The following ARHGEF16 variants were observed in gnomAD, a reference collection of about 807,000 sequenced individuals.
ARHGEF16 encodes Rho guanine nucleotide exchange factor 16.
A neutral mutation model predicts 74.1 loss-of-function variants in ARHGEF16; 59 were observed. The observed-to-expected ratio is 0.80, with a 90% confidence interval of 0.65 to 0.99. The LOEUF (loss-of-function observed/expected upper bound fraction) is 0.99, where lower values mean the gene tolerates loss of function less well. Ranked by LOEUF, ARHGEF16 falls within the 50% of genes least tolerant of loss-of-function variation. The pLI is 0.00. For missense variants in ARHGEF16, 948 were observed against 986.6 expected, an observed-to-expected ratio of 0.96 and a Z score of 0.52; for synonymous variants, 415 against 412.6, an observed-to-expected ratio of 1.01 and a Z score of -0.07.
At chr1:3,476,888 G>A (rs1251772483) in intron 10 of ARHGEF16, among the ~76,000 whole-genome samples, 2 of 152,098 alleles carry the variant, frequency 1.3e-5, no homozygotes, top group Non-Finnish European at 2.9e-5. Context: ...CGGTGACTTC[G>A]CGCCGCTGTC....
chr1:3,472,723 GCAC>G (rs1470487548), intron 6 of ARHGEF16: 1 of 191,184 alleles, frequency 5.2e-6, no homozygotes, highest in Non-Finnish European at 1.1e-5. Flanking sequence ...AGGGCGAAGG[GCAC>G]CAACTGGACA....
chr1:3,468,600 C>T, intron 4 of ARHGEF16: 2 of 484,688 alleles, frequency 4.1e-6, no homozygotes, highest in South Asian at 4.3e-5. Context: ...CCCCCGCCCT[C>T]TGGCCTCTCC....
rs547676458 is a variant in ARHGEF16, at chr1:3,458,372, C to T, written c.-20+3561C>T. ...CTGCTGCAGGAAATCTGACCTCTCT[C>T]TGTGGCACTGCAGCCGGGACAGCAT... On this transcript the variant is annotated intron_variant, in intron 1 of 14. Coordinates refer to ENST00000378378, the MANE Select transcript of ARHGEF16 (RefSeq NM_014448.4). Among the ~76,000 whole-genome samples, 20 of 152,374 alleles carry T rather than the reference C, an allele frequency of 1.3e-4. 1 individual carries two copies. In the South Asian group the frequency reaches 4.1e-3, roughly 32 times the overall value.
intron 6 of ARHGEF16, 152 bp from the exon 7 acceptor site, chr1:3,472,926 A>G: frequency 2.6e-6 from 1 of 390,464 alleles, no homozygotes; most frequent in Admixed American, 5.3e-5. Context: ...TCCCGCCCCA[A>G]GTGCTTGCTG....
intron 2 of ARHGEF16, among the ~76,000 whole-genome samples, chr1:3,465,352 C>T (rs1011657136): frequency 6.6e-6 from 1 of 152,130 alleles, no homozygotes; most frequent in African/African-American, 2.4e-5. Flanking sequence ...AGGGTAGGGT[C>T]CCGGAGGAAG....
rs141425462 is a variant in ARHGEF16 at position 3,473,139 on chromosome 1, A to G, written c.1084A>G (p.Ile362Val). ...AQVLVEDISD[I>V]LEEHAEKHFH... Reference sequence around the variant, plus strand: ...GGTGCTGGTCGAGGACATCAGTGACATCCTGGAGGAGCACGCTGAGAAGCA... The same window carrying G: ...GGTGCTGGTCGAGGACATCAGTGACGTCCTGGAGGAGCACGCTGAGAAGCA... Residue 362 changes from isoleucine to valine, a missense_variant, in exon 7 of 15, where the codon ATC becomes GTC. Physicochemically the swap from Ile to Val is conservative, Grantham distance 29. Transcript: ENST00000378378. 36 of 1,613,352 alleles carry G rather than the reference A, an allele frequency of 2.2e-5. No individual in the cohort carries two copies. The African/African-American group carries it at 3.6e-4, about 16-fold the overall frequency.
At chr1:3,468,765 CT>C (rs1367461854) in intron 4 of ARHGEF16, 114 bp from the exon 5 acceptor site, 13 of 1,200,662 alleles carry the variant, frequency 1.1e-5, no homozygotes, top group Non-Finnish European at 1.6e-5. Flanking sequence ...TACCTGAGCC[CT>C]GTGGGGTGGC....
chr1:3,473,445 G>C lies in ARHGEF16; in HGVS notation c.1228G>C (p.Ala410Pro). ...EALREIERRPACGGLPMLSFL... is the reference protein window; with the variant it reads ...EALREIERRPPCGGLPMLSFL... ...CCTGAGAGAGATTGAGAGGCGGCCGGCGTGCGGGGGCCTGCCCATGCTCTC... is the reference window on the plus strand; with the variant it reads ...CCTGAGAGAGATTGAGAGGCGGCCGCCGTGCGGGGGCCTGCCCATGCTCTC... Residue 410 changes from alanine (A) to proline (P), a missense_variant, in exon 8 of 15, where the codon GCG becomes CCG. Physicochemically the swap from Ala to Pro is conservative, Grantham distance 27 (BLOSUM62 -1). Coordinates refer to ENST00000378378, the MANE Select transcript of ARHGEF16 (RefSeq NM_014448.4). 2.5e-6 allele frequency: 4 copies of C among 1,612,524 alleles called. No homozygotes were observed. Among genetic ancestry groups the C allele is most frequent in the Non-Finnish European group, 3.4e-6 (4 of 1,179,898 alleles).
intron 14 of ARHGEF16, among the ~76,000 whole-genome samples, chr1:3,480,213 G>A (rs2100764403): frequency 6.6e-6 from 1 of 152,366 alleles, no homozygotes. Context: ...CTCATGCCGG[G>A]CAGCGCTGTG....
chr1:3,474,835 C>T (rs1639838647), intron 9 of ARHGEF16, 53 bp downstream of exon 9: 2 of 1,394,388 alleles, frequency 1.4e-6, no homozygotes, highest in Non-Finnish European at 9.8e-7. Context: ...CCGACCCTGT[C>T]CCCACCCAAC....
rs1482090358 is a variant in ARHGEF16 at position 3,480,470 on chromosome 1, C to T, written c.2013C>T (p.Leu671=). Residue 671 remains leucine, a synonymous_variant, in exon 15 of 15, where the codon CTC becomes CTT. Coordinates refer to ENST00000378378, the MANE Select transcript of ARHGEF16 (RefSeq NM_014448.4). The part of the protein sequence containing the change: ...QEDGWLYGER[L]RDGETGWFPE... ...CAGGGTGGCTCTATGGCGAGAGGCT[C>T]CGGGACGGAGAGACGGGATGGTTCC... 1 of 1,612,522 alleles carries T rather than the reference C, an allele frequency of 6.2e-7. No homozygotes were observed. The highest frequency in any genetic ancestry group is 1.3e-5 in the African/African-American group (1 of 74,958).
chr1:3,480,017 C>T (rs1023384302), intron 14 of ARHGEF16, 104 bp downstream of exon 14: 21 of 1,119,592 alleles, frequency 1.9e-5, no homozygotes, highest in Non-Finnish European at 2.5e-5. Flanking sequence ...GCAGGCTGAC[C>T]ATGTGCTCAC....
chr1:3,471,599 G>C, intron 6 of ARHGEF16: 1 of 1,098,902 alleles, frequency 9.1e-7, no homozygotes, highest in Non-Finnish European at 1.1e-6. Context: ...CCCCAGCCAG[G>C]CAGGCTTTGT....
intron 9 of ARHGEF16, 41 bp from the exon 10 acceptor site, chr1:3,475,929 C>T (rs1438294026): frequency 1.3e-6 from 2 of 1,531,548 alleles, no homozygotes; most frequent in South Asian, 2.5e-5. Flanking sequence ...GTGCCAGGGC[C>T]CTGTAGCACC....
In ARHGEF16 at chr1:3,463,581, GCCAGGGAGATGCCAT is replaced by G; in HGVS notation, c.502_516del (p.Gly168_Gln172del). On this transcript the variant is annotated inframe_deletion, in exon 2 of 15. Coordinates refer to ENST00000378378, the MANE Select transcript of ARHGEF16 (RefSeq NM_014448.4). ...ATGAAGGGCCTGGGGAAGCCAGGTG[GCCAGGGAGATGCCAT>G]CCAGCTAAGCCCTAAGCTCCAGGCT... The G allele has an allele frequency of 6.9e-7, 1 of 1,449,520 alleles. No homozygotes were observed. The allele number at this position is 1,449,520 out of a possible 1,614,324, so 89.8% of individuals were successfully genotyped here. A position where few individuals can be genotyped will look rare whatever the true frequency, so the allele number is the denominator to read the frequency against.
At chr1:3,480,116 G>T (rs1446597336) in intron 14 of ARHGEF16, among the ~76,000 whole-genome samples, 2 of 152,228 alleles carry the variant, frequency 1.3e-5, no homozygotes, top group South Asian at 2.1e-4. Flanking sequence ...TGTCCCACGT[G>T]GGGAGGAGGA....
chr1:3,460,099 C>T (rs1639357019), intron 1 of ARHGEF16, among the ~76,000 whole-genome samples: 1 of 152,320 alleles, frequency 6.6e-6, no homozygotes, highest in African/African-American at 2.4e-5. Flanking sequence ...GCCAGGGCCA[C>T]AGCTCCCGAG....
intron 6 of ARHGEF16, among the ~76,000 whole-genome samples, chr1:3,470,555 G>A (rs949108414): frequency 6.7e-6 from 1 of 150,046 alleles, no homozygotes; most frequent in South Asian, 2.1e-4. Context: ...TCAGGGTTAT[G>A]TGTGAGTGGG....
intron 1 of ARHGEF16, among the ~76,000 whole-genome samples, chr1:3,459,199 G>T (rs963372263): frequency 6.6e-6 from 1 of 152,110 alleles, no homozygotes; most frequent in African/African-American, 2.4e-5. Context: ...GAACGAACAC[G>T]GACCCTACCG....
Sources: gnomAD v4.1 joint callset for allele counts (sites outside exome capture counted in the v4.1 genomes callset) on GRCh38, gnomAD v4.1.1 for gene constraint, MANE v1.5 for transcripts, NCBI Gene and HGNC (gene_info 2026-07-23, HGNC 2026-07-21) for gene names.